The following PTDSS2 variants were observed in gnomAD, a reference collection of about 807,000 sequenced individuals.
PTDSS2 encodes the protein PSS-2.
Under a neutral mutation model 64.7 loss-of-function variants are expected in PTDSS2, and 41 were observed. That is an observed-to-expected ratio of 0.63 (90% CI 0.49 to 0.82). The LOEUF (loss-of-function observed/expected upper bound fraction) is 0.82. Among genes scored for constraint, PTDSS2 ranks in the 40% least tolerant of loss-of-function variants. The pLI, the probability that PTDSS2 is intolerant of heterozygous loss-of-function variation, is 0.00. For synonymous variants in PTDSS2, 297 were observed against 277.8 expected (o/e 1.07, Z -0.69); for missense variants, 485 against 650.0 (o/e 0.75, Z 2.76).
intron 10 of PTDSS2, 38 bp downstream of exon 10, chr11:489,771 G>C (rs768181144): frequency 1.1e-5 from 17 of 1,592,768 alleles, no homozygotes; most frequent in Non-Finnish European, 1.5e-5. Flanking sequence ...ACACCCCCGG[G>C]GGGCAGGGGC....
rs564918608 is a variant in PTDSS2 at position 490,864 on chromosome 11, C to T, written c.*282C>T. Reference sequence around the variant, plus strand: ...TGGTGTGCACGTGTGCTCTGGGCTCCGAGGCTTCTCCAGAGCTGGGAGCTG... The same window carrying T: ...TGGTGTGCACGTGTGCTCTGGGCTCTGAGGCTTCTCCAGAGCTGGGAGCTG... On this transcript the variant is annotated 3_prime_UTR_variant, in exon 12 of 12. Coordinates refer to ENST00000308020, the MANE Select transcript of PTDSS2 (RefSeq NM_030783.3). The T allele has an allele frequency of 4.3e-5, 18 of 418,362 alleles. No homozygotes were observed. Among genetic ancestry groups the T allele is most frequent in the Non-Finnish European group, 6.0e-5 (14 of 233,688 alleles). 25.9% of individuals were successfully genotyped at this position (418,362 alleles called of 1,614,324 possible). A position where few individuals can be genotyped will look rare whatever the true frequency, so the allele number is the denominator to read the frequency against.
chr11:486,150 C>T (rs148116324), intron 4 of PTDSS2, among the ~76,000 whole-genome samples: 7 of 152,322 alleles, frequency 4.6e-5, no homozygotes, highest in Non-Finnish European at 1.5e-5. Context: ...ATGATGTAAA[C>T]CTCCCTTGAC....
intron 4 of PTDSS2, among the ~76,000 whole-genome samples, chr11:484,439 G>A (rs1174552855): frequency 6.6e-6 from 1 of 152,270 alleles, no homozygotes; most frequent in Non-Finnish European, 1.5e-5. Context: ...GGGTGCCATA[G>A]CTCACAGAGG....
At chr11:465,237 C>T (rs1224710044) in intron 2 of PTDSS2, among the ~76,000 whole-genome samples, 1 of 152,244 alleles carries the variant, frequency 6.6e-6, no homozygotes, top group Non-Finnish European at 1.5e-5. Context: ...GTCACCCACA[C>T]TGGAGTGCAG....
At chr11:466,980 G>A (rs1469949980) in intron 2 of PTDSS2, among the ~76,000 whole-genome samples, 6 of 151,866 alleles carry the variant, frequency 4.0e-5, no homozygotes, top group African/African-American at 7.3e-5. Context: ...CCTTGAGCCC[G>A]GGAGGTCAAG....
At position 489,874 on chromosome 11, in the gene PTDSS2, C is replaced by T; in HGVS notation, c.1116-9C>T. 1 of 1,574,686 alleles carries T rather than the reference C, an allele frequency of 6.4e-7. No homozygotes were observed. Among genetic ancestry groups the T allele is most frequent in the South Asian group, 1.1e-5 (1 of 87,380 alleles). On this transcript the variant is annotated splice_polypyrimidine_tract_variant and intron_variant, in intron 10 of 11. Coordinates refer to ENST00000308020, the MANE Select transcript of PTDSS2 (RefSeq NM_030783.3). ...GCCCGGGACGCTGAACCCCCTGCTG[C>T]CCCTGCAGGAAGCCCCACAAGAAGC...
At chr11:451,661 G>C (rs1846335769) in intron 1 of PTDSS2, among the ~76,000 whole-genome samples, 1 of 152,226 alleles carries the variant, frequency 6.6e-6, no homozygotes, top group Non-Finnish European at 1.5e-5. Context: ...GAGCAAATCT[G>C]AGGGGCGAGG....
At position 473,772 on chromosome 11, in the gene PTDSS2, C is replaced by T. The variant is rs1564977964; in HGVS notation, c.285-123C>T. 24 of 795,292 alleles carry T rather than the reference C, an allele frequency of 3.0e-5. No individual in the cohort carries two copies. In the South Asian group the frequency reaches 3.3e-4, roughly 11 times the overall value. 49.3% of individuals were successfully genotyped at this position (795,292 alleles called of 1,614,324 possible). A position where few individuals can be genotyped will look rare whatever the true frequency, so the allele number is the denominator to read the frequency against. The stretch of plus-strand genomic sequence containing the variant: ...AGTCGCCCAGCTCTGCCCGAGGCCC[C>T]TTCCTCCCGCCCCAGCATCAGGGGC... On this transcript the variant is annotated intron_variant, in intron 2 of 11. Transcript: ENST00000308020.
At chr11:482,223 C>CTTT (rs558526140) in intron 4 of PTDSS2, among the ~76,000 whole-genome samples, 2,490 of 117,324 alleles carry the variant, frequency 0.021, 121 homozygotes, top group African/African-American at 0.077. Flanking sequence ...CAAGGATGGG[C>CTTT]TTTTTTTTTT....
At chr11:483,741 A>G (rs1165576935) in intron 4 of PTDSS2, among the ~76,000 whole-genome samples, 2 of 152,168 alleles carry the variant, frequency 1.3e-5, no homozygotes, top group African/African-American at 2.4e-5. Flanking sequence ...TTTTGCATCC[A>G]TATTTGTAAG....
upstream of PTDSS2, among the ~76,000 whole-genome samples, chr11:450,100 G>A (rs1225896604): frequency 6.6e-6 from 1 of 152,180 alleles, no homozygotes; most frequent in Admixed American, 6.5e-5. Context: ...TTACCTCCAA[G>A]CTCTGGAGGC....
Position 490,802 on chromosome 11 carries a change from G to GC in PTDSS2, c.*220_*221insC. The GC allele has an allele frequency of 1.7e-6, 1 of 577,784 alleles. No individual in the cohort carries two copies. The highest frequency in any genetic ancestry group is 3.0e-6 in the Non-Finnish European group (1 of 327,976). The allele number at this position is 577,784 out of a possible 1,614,324, so 35.8% of individuals were successfully genotyped here. A position where few individuals can be genotyped will look rare whatever the true frequency, so the allele number is the denominator to read the frequency against. On this transcript the variant is annotated 3_prime_UTR_variant, in exon 12 of 12. Coordinates refer to ENST00000308020, the MANE Select transcript of PTDSS2 (RefSeq NM_030783.3). ...TACGTGTGTATGCGTGTGTGTACGC[G>GC]TGTGTACGCGCGTGTGTACACATGC...
Position 470,809 on chromosome 11 carries a change from C to T in PTDSS2, c.285-3086C>T, listed in dbSNP as rs1486498089. Among the ~76,000 whole-genome samples the T allele has an allele frequency of 1.3e-5, 2 of 151,934 alleles. No individual in the cohort carries two copies. Among genetic ancestry groups the T allele is most frequent in the African/African-American group, 4.8e-5 (2 of 41,420 alleles). On this transcript the variant is annotated intron_variant, in intron 2 of 11. Coordinates refer to ENST00000308020, the MANE Select transcript of PTDSS2 (RefSeq NM_030783.3). This position sits in a 1 kb window ranked among gnomAD's most constrained non-coding sequence, Gnocchi z 5.3. ...TTCACCATGTTGGTCAGGCTGGTCT[C>T]GAACTCCTGACCTTGTGATCCGCCT...
rs1590592698 is a variant in PTDSS2, at chr11:450,337, G to A, written c.-119G>A. The A allele has an allele frequency of 2.2e-6, 2 of 913,748 alleles. No individual in the cohort carries two copies. The highest frequency in any genetic ancestry group is 5.7e-5 in the South Asian group (1 of 17,514). 56.6% of individuals were successfully genotyped at this position (913,748 alleles called of 1,614,324 possible). ...CGCGCTGCTCTCCTAAGACCCCGCG[G>A]GCCAGCGCCGCGACCCCTTCCCAGC... On this transcript the variant is annotated 5_prime_UTR_variant, in exon 1 of 12. Transcript: ENST00000308020.
intron 4 of PTDSS2, among the ~76,000 whole-genome samples, chr11:482,590 A>G: frequency 6.6e-6 from 1 of 152,178 alleles, no homozygotes; most frequent in Non-Finnish European, 1.5e-5. Context: ...CTGGGAGTAT[A>G]AGCATGAGCC....
In PTDSS2 at chr11:464,385, G is replaced by A. The variant is rs996320477; in HGVS notation, c.284+4097G>A. Among the ~76,000 whole-genome samples, 8 of 152,336 alleles carry A rather than the reference G, an allele frequency of 5.3e-5. No individual in the cohort carries two copies. In the South Asian group the frequency reaches 8.3e-4, roughly 16 times the overall value. On this transcript the variant is annotated intron_variant, in intron 2 of 11. Transcript: ENST00000308020. ...TGAGTTTTAACAGACTCAGAGCCCCGTGTGCCCACCACTGCATGGGGGTGC... is the reference window on the plus strand; with the variant it reads ...TGAGTTTTAACAGACTCAGAGCCCCATGTGCCCACCACTGCATGGGGGTGC...
In PTDSS2 at chr11:470,805, G is replaced by A. The variant is rs1847391751; in HGVS notation, c.285-3090G>A. Among the ~76,000 whole-genome samples the A allele has an allele frequency of 1.3e-5, 2 of 151,880 alleles. No individual in the cohort carries two copies. Among genetic ancestry groups the A allele is most frequent in the Admixed American group, 1.3e-4 (2 of 15,258 alleles). ...GGGTTTCACCATGTTGGTCAGGCTGGTCTCGAACTCCTGACCTTGTGATCC... is the reference window on the plus strand; with the variant it reads ...GGGTTTCACCATGTTGGTCAGGCTGATCTCGAACTCCTGACCTTGTGATCC... On this transcript the variant is annotated intron_variant, in intron 2 of 11. Transcript: ENST00000308020. This position sits in a 1 kb window ranked among gnomAD's most constrained non-coding sequence, Gnocchi z 5.3.
chr11:490,392 G>A (rs1848619880), intron 11 of PTDSS2, 28 bp from the exon 12 acceptor site: 1 of 1,613,104 alleles, frequency 6.2e-7, no homozygotes, highest in East Asian at 2.2e-5. Context: ...TGTGGGGGCA[G>A]GTGGTGACGC....
At chr11:451,752 C>T (rs1168703148) in intron 1 of PTDSS2, among the ~76,000 whole-genome samples, 2 of 152,128 alleles carry the variant, frequency 1.3e-5, no homozygotes, top group Non-Finnish European at 2.9e-5. Context: ...GGCCTGTCAC[C>T]GCAGCCGAAG....
Sources: gnomAD v4.1 joint callset for allele counts (sites outside exome capture counted in the v4.1 genomes callset) on GRCh38, gnomAD v4.1.1 for gene constraint, Gnocchi (gnomAD v3.1) non-coding constraint, MANE v1.5 for transcripts, NCBI Gene and HGNC (gene_info 2026-07-23, HGNC 2026-07-21) for gene names.